Variants in LMNTD1 observed in about 807,000 individuals in gnomAD.
The protein encoded by LMNTD1 is lamin tail domain containing 1.
In LMNTD1, 35 loss-of-function variants were observed where a neutral mutation model predicts 50.9. That is an observed-to-expected ratio of 0.69 (90% CI 0.53 to 0.91). The LOEUF (loss-of-function observed/expected upper bound fraction) is 0.91, where lower values mean the gene tolerates loss of function less well. LMNTD1 is among the 40% of genes least tolerant of loss of function. The pLI is 0.00. For synonymous variants in LMNTD1, 153 were observed against 161.9 expected (o/e 0.94, Z 0.42); for missense variants, 470 against 475.5 (o/e 0.99, Z 0.11).
chr12:25,534,231 A>C (rs556285470), intron 4 of LMNTD1, among the ~76,000 whole-genome samples: 2 of 152,270 alleles, frequency 1.3e-5, no homozygotes, highest in African/African-American at 4.8e-5. Flanking sequence ...CTTTGATTGA[A>C]AACAACCAAA....
At chr12:25,526,289 C>A in intron 5 of LMNTD1, 71 bp from the exon 6 acceptor site, 2 of 1,414,164 alleles carry the variant, frequency 1.4e-6, no homozygotes, top group Non-Finnish European at 1.9e-6. Flanking sequence ...TAGGGTTACT[C>A]CAACATAATC....
upstream of LMNTD1, among the ~76,000 whole-genome samples, chr12:25,558,273 A>T (rs2136288725): frequency 6.6e-6 from 1 of 151,970 alleles, no homozygotes; most frequent in South Asian, 2.1e-4. Flanking sequence ...TTTCAGTTTC[A>T]TTTGTTTCTG....
chr12:25,554,032 A>G (rs1344728609), upstream of LMNTD1, among the ~76,000 whole-genome samples: 1 of 152,234 alleles, frequency 6.6e-6, no homozygotes, highest in Non-Finnish European at 1.5e-5. Context: ...AAAAAGCCAA[A>G]AAGAAAAAGT....
intron 6 of LMNTD1, among the ~76,000 whole-genome samples, chr12:25,525,478 G>A (rs1245276195): frequency 6.6e-6 from 1 of 152,136 alleles, no homozygotes; most frequent in Non-Finnish European, 1.5e-5. Context: ...CCTGTATGGA[G>A]TACCTTCCTT....
At chr12:25,504,223 A>G (rs990138186) in intron 8 of LMNTD1, among the ~76,000 whole-genome samples, 1 of 152,196 alleles carries the variant, frequency 6.6e-6, no homozygotes, top group African/African-American at 2.4e-5. Flanking sequence ...CCATAACGAC[A>G]AAGTAGCTAG....
At chr12:25,512,120 G>A (rs1940346616) in intron 8 of LMNTD1, among the ~76,000 whole-genome samples, 3 of 152,204 alleles carry the variant, frequency 2.0e-5, no homozygotes, top group Non-Finnish European at 4.4e-5. Context: ...AAATAAAAGA[G>A]TAGGAAATAT....
rs1227706525 is a variant in LMNTD1, at chr12:25,519,845, A to AAACAACCCT, written c.1016+4_1016+12dup. ...AAGGACCCATTAAAACAAACAAACC[A>AAACAACCCT]AACAACCCTTACCTCTTAAGAAGAA... On this transcript the variant is annotated intron_variant, in intron 7 of 9. Coordinates refer to ENST00000458174, the MANE Select transcript of LMNTD1 (RefSeq NM_001145728.2). 2.5e-6 allele frequency: 4 copies of AAACAACCCT among 1,592,694 alleles called. No homozygotes were observed. The African/African-American group carries it at 5.4e-5, about 21-fold the overall frequency.
Position 25,622,651 on chromosome 12 carries a change from A to C in LMNTD1, c.58+25843T>G, listed in dbSNP as rs560315210. 2.6e-5 allele frequency among the ~76,000 whole-genome samples: 4 copies of C among 152,278 alleles called. No homozygotes were observed. In the South Asian group the frequency reaches 8.3e-4, roughly 32 times the overall value. On this transcript the variant is annotated intron_variant, in intron 1 of 7. Coordinates refer to the LMNTD1 transcript ENST00000445693. ...CAAATATTTAGTAAGCCTTTACTCT[A>C]TGCCAGTCACAGTCCTACAAAAGAC... is the stretch of plus-strand genomic sequence containing the variant.
At chr12:25,595,088 T>C (rs754700212) in intron 1 of LMNTD1, among the ~76,000 whole-genome samples, 4 of 151,918 alleles carry the variant, frequency 2.6e-5, no homozygotes, top group Non-Finnish European at 5.9e-5. Context: ...TATAAAACAA[T>C]TACTAAGAGA....
intron 2 of LMNTD1, among the ~76,000 whole-genome samples, chr12:25,551,838 G>C (rs829053): frequency 0.78 from 119,176 of 152,118 alleles, 47,290 homozygotes; most frequent in East Asian, 0.9. Flanking sequence ...TTTCTCAGTG[G>C]TTAGTTAACT....
intron 1 of LMNTD1, among the ~76,000 whole-genome samples, chr12:25,633,933 G>A (rs949926475): frequency 6.6e-6 from 1 of 152,272 alleles, no homozygotes; most frequent in African/African-American, 2.4e-5. Context: ...TAGACCATTA[G>A]CAAGATTAAC....
In LMNTD1 at chr12:25,571,359, A is replaced by ATTTATTTG. The variant is rs1555112979; in HGVS notation, c.59-24806_59-24805insCAAATAAA. Among the ~76,000 whole-genome samples the ATTTATTTG allele has an allele frequency of 1.3e-4, 20 of 151,186 alleles. No homozygotes were observed. In the East Asian group the frequency reaches 3.9e-3, roughly 29 times the overall value. On this transcript the variant is annotated intron_variant, in intron 1 of 7. Coordinates refer to the LMNTD1 transcript ENST00000445693. ...AGTATTTTTATTTATTTATTTATTTATTTATTTATTTATTTATTTTTTGAG... is the reference window on the plus strand; with the variant it reads ...AGTATTTTTATTTATTTATTTATTTATTTATTTGTTTATTTATTTATTTATTTTTTGAG...
At chr12:25,646,185 ATGGGGTGGAAGACGTACCCC>A (rs1947066549) in intron 1 of LMNTD1, among the ~76,000 whole-genome samples, 2 of 152,014 alleles carry the variant, frequency 1.3e-5, no homozygotes, top group Non-Finnish European at 2.9e-5. Flanking sequence ...TCAAGATGGT[ATGGGGTGGAAGACGTACCCC>A]TTGCCCACCA....
chr12:25,562,613 T>G (rs1206937346), intron 1 of LMNTD1, among the ~76,000 whole-genome samples: 1 of 152,242 alleles, frequency 6.6e-6, no homozygotes, highest in Non-Finnish European at 1.5e-5. Context: ...ATTATGTGTC[T>G]TGGAGTTGGC....
chr12:25,496,848 C>T (rs1939092702), intron 9 of LMNTD1, among the ~76,000 whole-genome samples: 1 of 152,102 alleles, frequency 6.6e-6, no homozygotes, highest in South Asian at 2.1e-4. Flanking sequence ...AGACTCTATA[C>T]CCATTAAATA....
At position 25,628,407 on chromosome 12, in the gene LMNTD1, A is replaced by G. The variant is rs546624169; in HGVS notation, c.58+20087T>C. Among the ~76,000 whole-genome samples, 320 of 152,280 alleles carry G rather than the reference A, an allele frequency of 2.1e-3. 1 individual carries two copies. The highest frequency in any genetic ancestry group is 3.2e-3 in the Non-Finnish European group (219 of 68,014). ...GCTAAATGATTTTCAGTAGGTTTGT[A>G]ACAAATCTGAGCTATGATTTTTTTC... On this transcript the variant is annotated intron_variant, in intron 1 of 7. Transcript: ENST00000445693.
intron 8 of LMNTD1, among the ~76,000 whole-genome samples, chr12:25,516,251 C>A (rs1405429310): frequency 6.6e-6 from 1 of 152,060 alleles, no homozygotes; most frequent in Non-Finnish European, 1.5e-5. Context: ...AGTTATGTAA[C>A]GATGTATAAA....
chr12:25,612,887 T>C (rs116856717), intron 1 of LMNTD1, among the ~76,000 whole-genome samples: 107 of 152,298 alleles, frequency 7.0e-4, no homozygotes, highest in Admixed American at 2.0e-3. Flanking sequence ...TAAGGTGATC[T>C]CCTGCATTAT....
intron 1 of LMNTD1, among the ~76,000 whole-genome samples, chr12:25,563,739 A>AG (rs1292386618): frequency 1.3e-5 from 2 of 152,176 alleles, no homozygotes; most frequent in Non-Finnish European, 2.9e-5. Context: ...CCCTGCCCCC[A>AG]GGGGTGTACT....
Sources: allele counts gnomAD v4.1 joint callset (sites outside exome capture counted in the v4.1 genomes callset), GRCh38; gene constraint gnomAD v4.1.1; transcripts MANE v1.5; gene names NCBI Gene and HGNC (gene_info 2026-07-23, HGNC 2026-07-21).